Variants in NDST1 observed in about 807,000 individuals in gnomAD.
The protein encoded by NDST1 is N-deacetylase and N-sulfotransferase 1.
A neutral mutation model predicts 92.8 loss-of-function variants in NDST1; 35 were observed. That is an observed-to-expected ratio of 0.38 (90% CI 0.29 to 0.50). The LOEUF is 0.50. Among genes scored for constraint, NDST1 ranks in the 20% least tolerant of loss-of-function variants. The pLI is 0.94. For synonymous variants in NDST1, 493 were observed against 500.3 expected (o/e 0.99, Z 0.19); for missense variants, 822 against 1,182.7 (o/e 0.69, Z 4.47).
At chr5:150,515,208 G>T (rs1753904013) in intron 1 of NDST1, among the ~76,000 whole-genome samples, 1 of 152,262 alleles carries the variant, frequency 6.6e-6, no homozygotes, top group African/African-American at 2.4e-5. Flanking sequence ...AGGATACACA[G>T]CCCATTTGAG....
intron 8 of NDST1, among the ~76,000 whole-genome samples, chr5:150,540,566 A>T (rs1484855177): frequency 6.6e-6 from 1 of 152,156 alleles, no homozygotes; most frequent in African/African-American, 2.4e-5. Context: ...CTATAATCCC[A>T]ATACTTTAGG....
chr5:150,553,278 G>A lies in NDST1; in HGVS notation c.2595G>A (p.Lys865=). 6.2e-7 allele frequency: 1 copy of A among 1,613,944 alleles called. No individual in the cohort carries two copies. The highest frequency in any genetic ancestry group is 1.1e-5 in the South Asian group (1 of 91,076). ...TCGAGCTCTCCAAGCTGCTGTATAA[G>A]ATGGGCCAGACACTTCCCACTTGGC... The part of the protein sequence containing the change: ...HNIELSKLLY[K]MGQTLPTWLR... The change falls in exon 15 of 15, where the codon AAG becomes AAA. Residue 865 remains lysine (K), a synonymous_variant. Transcript: ENST00000261797. The surrounding 1 kb of genome is among the most constrained non-coding windows in gnomAD (Gnocchi z 4.2).
At chr5:150,546,966 G>A (rs1755515119) in intron 11 of NDST1, among the ~76,000 whole-genome samples, 1 of 152,252 alleles carries the variant, frequency 6.6e-6, no homozygotes, top group South Asian at 2.1e-4. Context: ...GGAATGGGCA[G>A]TCTGCTTTCA....
At chr5:150,502,514 T>G (rs1561584917) in intron 1 of NDST1, among the ~76,000 whole-genome samples, 1 of 150,906 alleles carries the variant, frequency 6.6e-6, no homozygotes, top group Admixed American at 6.6e-5. Flanking sequence ...GGGCCTATGC[T>G]GGTGGGGGAG....
At chr5:150,527,132 A>C (rs1168274365) in intron 2 of NDST1, among the ~76,000 whole-genome samples, 1 of 152,222 alleles carries the variant, frequency 6.6e-6, no homozygotes, top group Non-Finnish European at 1.5e-5. Context: ...AACCACGCCT[A>C]ATGGTTAGGT....
rs745911944 is a variant in NDST1, at chr5:150,542,829, G to A, written c.1847-19G>A. The A allele has an allele frequency of 1.9e-6, 3 of 1,613,898 alleles. No homozygotes were observed. Among genetic ancestry groups the A allele is most frequent in the African/African-American group, 1.3e-5 (1 of 74,914 alleles). On this transcript the variant is annotated intron_variant, in intron 9 of 14. Coordinates refer to ENST00000261797, the MANE Select transcript of NDST1 (RefSeq NM_001543.5). ...CTGGGGGCTGGGCCCTGGGTCTCAG[G>A]TGTCTACCCTCCCCACAGGCACCAC... is the stretch of plus-strand genomic sequence containing the variant.
intron 13 of NDST1, 63 bp downstream of exon 13, chr5:150,549,850 C>T (rs1349210488): frequency 3.1e-6 from 3 of 980,462 alleles, no homozygotes; most frequent in African/African-American, 1.6e-5. Context: ...GCCAACAAAG[C>T]CAAAGTCTTG....
At chr5:150,498,899 G>T (rs1753112221) in intron 1 of NDST1, among the ~76,000 whole-genome samples, 1 of 152,214 alleles carries the variant, frequency 6.6e-6, no homozygotes, top group South Asian at 2.1e-4. Flanking sequence ...GAGTCTAGAT[G>T]ACTTGGGCTC....
intron 1 of NDST1, among the ~76,000 whole-genome samples, chr5:150,502,748 G>A (rs1753291487): frequency 6.6e-6 from 1 of 151,730 alleles, no homozygotes; most frequent in South Asian, 2.1e-4. Context: ...CACTGTGATG[G>A]TCCTAGCCTT....
At chr5:150,538,123 A>G (rs1187625686) in intron 6 of NDST1, among the ~76,000 whole-genome samples, 4 of 152,162 alleles carry the variant, frequency 2.6e-5, no homozygotes, top group Non-Finnish European at 5.9e-5. Flanking sequence ...CAAGGCAGAG[A>G]ACACAAGTGC....
chr5:150,532,779 A>G (rs1754803882), intron 3 of NDST1, among the ~76,000 whole-genome samples, 166 bp from the exon 4 acceptor site: 1 of 152,078 alleles, frequency 6.6e-6, no homozygotes, highest in Admixed American at 6.6e-5. Flanking sequence ...CACCCACCTC[A>G]GCTTCCCAAA....
chr5:150,539,978 A>G, intron 7 of NDST1, 104 bp from the exon 8 acceptor site: 1 of 1,443,856 alleles, frequency 6.9e-7, no homozygotes, highest in East Asian at 2.4e-5. Flanking sequence ...ACTGGTCATC[A>G]GGAGCCTTGC....
chr5:150,545,218 A>T, intron 10 of NDST1, 94 bp from the exon 11 acceptor site: 3 of 1,424,898 alleles, frequency 2.1e-6, no homozygotes, highest in African/African-American at 2.8e-5. Context: ...CTCTCTGAGG[A>T]CATTCTACCC....
intron 3 of NDST1, 83 bp downstream of exon 3, chr5:150,528,381 C>T (rs1754565494): frequency 7.0e-7 from 1 of 1,436,790 alleles, no homozygotes; most frequent in Non-Finnish European, 9.4e-7. Context: ...TGGGTGTGCC[C>T]TGTCTGCATC....
At chr5:150,532,634 C>G (rs954202548) in intron 3 of NDST1, among the ~76,000 whole-genome samples, 1 of 152,152 alleles carries the variant, frequency 6.6e-6, no homozygotes, top group African/African-American at 2.4e-5. Context: ...TCAAGCGATT[C>G]TCCTGCCTCA....
intron 7 of NDST1, 129 bp from the exon 8 acceptor site, chr5:150,539,953 G>A (rs995634571): frequency 3.5e-5 from 46 of 1,307,710 alleles, no homozygotes; most frequent in African/African-American, 1.0e-4. Context: ...TGTTGACAGC[G>A]CCAGCGTAAC....
intron 9 of NDST1, among the ~76,000 whole-genome samples, chr5:150,542,364 TG>T (rs1373138533): frequency 6.6e-6 from 1 of 152,180 alleles, no homozygotes; most frequent in Non-Finnish European, 1.5e-5. Context: ...CAGAGGGTAT[TG>T]GGAAGAAGAG....
chr5:150,541,720 C>T (rs1329310565), intron 9 of NDST1, 54 bp downstream of exon 9: 28 of 1,535,876 alleles, frequency 1.8e-5, no homozygotes, highest in Non-Finnish European at 2.5e-5. Flanking sequence ...GTCTCAGCCA[C>T]AGAATTCTGA....
intron 1 of NDST1, among the ~76,000 whole-genome samples, chr5:150,509,018 G>T (rs1239433610): frequency 6.6e-6 from 1 of 152,126 alleles, no homozygotes; most frequent in African/African-American, 2.4e-5. Context: ...GACCTTACAA[G>T]CTGGGGAAGC....
Sources: allele counts gnomAD v4.1 joint callset (sites outside exome capture counted in the v4.1 genomes callset), GRCh38; gene constraint gnomAD v4.1.1; non-coding constraint Gnocchi (gnomAD v3.1); transcripts MANE v1.5; gene names NCBI Gene and HGNC (gene_info 2026-07-23, HGNC 2026-07-21).